CHN2: variants seen among roughly 807,000 people sequenced by gnomAD.
CHN2 encodes beta-chimaerin.
In CHN2, 35 loss-of-function variants were observed where a neutral mutation model predicts 56.3. That is an observed-to-expected ratio of 0.62 (90% confidence interval 0.47 to 0.82). The LOEUF (loss-of-function observed/expected upper bound fraction) is 0.82, where lower values mean the gene tolerates loss of function less well. CHN2 is among the 40% of genes least tolerant of loss of function. The pLI is 0.00. For missense variants in CHN2, 491 were observed against 580.5 expected (o/e 0.85, Z 1.58); for synonymous variants, 210 against 212.8 (o/e 0.99, Z 0.12).
chr7:29,356,753 G>A (rs906960244), intron 2 of CHN2, among the ~76,000 whole-genome samples: 1 of 152,160 alleles, frequency 6.6e-6, no homozygotes, highest in African/African-American at 2.4e-5. Flanking sequence ...CTAATGCTCT[G>A]TATTCCGATC....
At chr7:29,216,678 C>T (rs939088952) in intron 1 of CHN2, among the ~76,000 whole-genome samples, 3 of 152,072 alleles carry the variant, frequency 2.0e-5, no homozygotes, top group Admixed American at 6.5e-5. Context: ...TAGTGGAAAC[C>T]GCTGATCTAG....
At chr7:29,279,018 A>G (rs1791460263) in intron 1 of CHN2, among the ~76,000 whole-genome samples, 1 of 138,292 alleles carries the variant, frequency 7.2e-6, no homozygotes, top group African/African-American at 2.7e-5. Context: ...CCCCACCTTC[A>G]CTCAGGGTCC....
chr7:29,486,294 G>C (rs2128553403), intron 7 of CHN2, among the ~76,000 whole-genome samples: 1 of 152,318 alleles, frequency 6.6e-6, no homozygotes, highest in Middle Eastern at 3.4e-3. Flanking sequence ...CTACAGTTGA[G>C]CTTTCGGAGC....
intron 1 of CHN2, among the ~76,000 whole-genome samples, chr7:29,263,676 C>G (rs970159664): frequency 1.9e-4 from 29 of 150,388 alleles, no homozygotes; most frequent in African/African-American, 7.1e-4. Flanking sequence ...TCTTCCCGGC[C>G]GTCATCCCGT....
chr7:29,177,389 G>T (rs900858162), intron 2 of CHN2, among the ~76,000 whole-genome samples: 2 of 151,984 alleles, frequency 1.3e-5, no homozygotes. Flanking sequence ...GAGTAGCTGG[G>T]ATTACAGGTG....
In CHN2 at chr7:29,298,485, G is replaced by A. The variant is rs1793370777; in HGVS notation, c.50-56140G>A. On this transcript the variant is annotated intron_variant, in intron 1 of 12. Coordinates refer to ENST00000222792, the MANE Select transcript of CHN2 (RefSeq NM_004067.4). Reference sequence around the variant, plus strand: ...TCTCCAACAAGGGATAGAAAAGGATGTCTTGTGACATGCCCAGGTAACTGG... The same window carrying A: ...TCTCCAACAAGGGATAGAAAAGGATATCTTGTGACATGCCCAGGTAACTGG... Among the ~76,000 whole-genome samples, 4 of 152,304 alleles carry A rather than the reference G, an allele frequency of 2.6e-5. No individual in the cohort carries two copies. In the South Asian group the frequency reaches 8.3e-4, roughly 32 times the overall value.
At chr7:29,153,501 A>G (rs1793901348) in intron 2 of CHN2, among the ~76,000 whole-genome samples, 1 of 152,184 alleles carries the variant, frequency 6.6e-6, no homozygotes, top group Non-Finnish European at 1.5e-5. Flanking sequence ...TGTGAAGACA[A>G]TGAGGATGAA....
At chr7:29,309,848 G>A (rs1206160650) in intron 1 of CHN2, among the ~76,000 whole-genome samples, 6 of 152,190 alleles carry the variant, frequency 3.9e-5, no homozygotes, top group African/African-American at 9.7e-5. Flanking sequence ...TGGAGACCTC[G>A]CGGGCTCATG....
chr7:29,415,479 A>G (rs1464674398), intron 6 of CHN2, among the ~76,000 whole-genome samples: 2 of 151,602 alleles, frequency 1.3e-5, no homozygotes. Context: ...TAGCCAGAAG[A>G]GCCCGAATGG....
chr7:29,169,880 G>GTGTGTGTGTGTA (rs148266761), intron 2 of CHN2, among the ~76,000 whole-genome samples: 65 of 150,044 alleles, frequency 4.3e-4, no homozygotes, highest in East Asian at 3.5e-3. Context: ...GTGTGTGTGT[G>GTGTGTGTGTGTA]TATATATATA....
Position 29,310,539 on chromosome 7 carries a change from C to T in CHN2, c.50-44086C>T, listed in dbSNP as rs925863734. Among the ~76,000 whole-genome samples the T allele has an allele frequency of 1.2e-4, 18 of 152,250 alleles. No homozygotes were observed. In the East Asian group the frequency reaches 3.5e-3, roughly 29 times the overall value. On this transcript the variant is annotated intron_variant, in intron 1 of 12. Transcript: ENST00000222792. ...GTTCCCAAATTTTCTGTATTTAATA[C>T]ATATTTGTTTTGAAAGGTGATATAA...
At chr7:29,232,675 T>C (rs986020661) in intron 1 of CHN2, among the ~76,000 whole-genome samples, 2 of 151,208 alleles carry the variant, frequency 1.3e-5, no homozygotes, top group Non-Finnish European at 2.9e-5. Flanking sequence ...TGGGGCTTGG[T>C]TGAGGTCATT....
intron 3 of CHN2, among the ~76,000 whole-genome samples, chr7:29,382,746 G>T (rs929863564): frequency 6.6e-6 from 1 of 152,168 alleles, no homozygotes; most frequent in African/African-American, 2.4e-5. Flanking sequence ...ACTTCCCCAG[G>T]ATGGCAGCAT....
intron 6 of CHN2, among the ~76,000 whole-genome samples, chr7:29,470,742 T>C (rs1216351342): frequency 6.6e-6 from 1 of 152,176 alleles, no homozygotes; most frequent in Non-Finnish European, 1.5e-5. Flanking sequence ...TTCGCAGGGA[T>C]TTCCCAGGCT....
intron 1 of CHN2, among the ~76,000 whole-genome samples, chr7:29,243,138 G>T (rs1410929877): frequency 3.3e-5 from 5 of 151,918 alleles, no homozygotes; most frequent in Non-Finnish European, 5.9e-5. Context: ...ATGTAAATAC[G>T]GCATGGGGAG....
intron 6 of CHN2, among the ~76,000 whole-genome samples, chr7:29,476,824 A>G (rs1242851748): frequency 6.6e-6 from 1 of 152,180 alleles, no homozygotes; most frequent in African/African-American, 2.4e-5. Flanking sequence ...AGCCTCCCAC[A>G]ACAAAAGATT....
At chr7:29,471,256 A>G (rs1785999339) in intron 6 of CHN2, among the ~76,000 whole-genome samples, 1 of 152,236 alleles carries the variant, frequency 6.6e-6, no homozygotes, top group Admixed American at 6.5e-5. Context: ...AACAAAACAA[A>G]AAAGCAAATA....
At chr7:29,475,735 C>T (rs1786536075) in intron 6 of CHN2, among the ~76,000 whole-genome samples, 1 of 152,198 alleles carries the variant, frequency 6.6e-6, no homozygotes, top group Non-Finnish European at 1.5e-5. Context: ...CACCTTGAAA[C>T]ATGCTAAGTG....
intron 5 of CHN2, among the ~76,000 whole-genome samples, chr7:29,399,679 G>C (rs1228130091): frequency 6.6e-6 from 1 of 152,114 alleles, no homozygotes; most frequent in African/African-American, 2.4e-5. Flanking sequence ...CCCTTCCCAG[G>C]CCCACAATGG....
Sources: gnomAD v4.1 joint callset for allele counts (sites outside exome capture counted in the v4.1 genomes callset) on GRCh38, gnomAD v4.1.1 for gene constraint, MANE v1.5 for transcripts, NCBI Gene and HGNC (gene_info 2026-07-23, HGNC 2026-07-21) for gene names.